The following CCDC60 variants were observed in gnomAD, a reference collection of about 807,000 sequenced individuals.
The protein encoded by CCDC60 is coiled-coil domain containing 60.
Under a neutral mutation model 63.5 loss-of-function variants are expected in CCDC60, and 54 were observed. The ratio of observed to expected loss-of-function variants is 0.85; its 90% CI spans 0.68 to 1.07. The LOEUF (loss-of-function observed/expected upper bound fraction) is 1.07, where lower values mean the gene tolerates loss of function less well. Ranked by LOEUF, CCDC60 falls within the 50% of genes least tolerant of loss-of-function variation. The pLI is 0.00. For synonymous variants in CCDC60, 206 were observed against 238.8 expected, an observed-to-expected ratio of 0.86 and a Z score of 1.27; for missense variants, 651 against 684.3, an observed-to-expected ratio of 0.95 and a Z score of 0.54.
intron 1 of CCDC60, among the ~76,000 whole-genome samples, chr12:119,367,754 A>G (rs1230494408): frequency 1.3e-5 from 2 of 152,222 alleles, no homozygotes; most frequent in Non-Finnish European, 2.9e-5. Context: ...GTTATGCAAA[A>G]TGAAAGAAGC....
At chr12:119,533,623 A>G (rs1056092588) in intron 13 of CCDC60, among the ~76,000 whole-genome samples, 1 of 152,260 alleles carries the variant, frequency 6.6e-6, no homozygotes, top group South Asian at 2.1e-4. Context: ...ATCCAGTTTC[A>G]GCTTTCTACA....
intron 1 of CCDC60, among the ~76,000 whole-genome samples, chr12:119,385,600 CT>C (rs1256944703): frequency 1.3e-5 from 2 of 152,214 alleles, no homozygotes; most frequent in Admixed American, 1.3e-4. Flanking sequence ...CATTAAACCT[CT>C]TTTTTAAAAA....
At chr12:119,531,232 T>A (rs893120149) in intron 13 of CCDC60, among the ~76,000 whole-genome samples, 169 bp downstream of exon 13, 1 of 152,134 alleles carries the variant, frequency 6.6e-6, no homozygotes, top group Admixed American at 6.5e-5. Context: ...CAACTCCAAC[T>A]GCAAGGGACA....
At chr12:119,392,150 C>T (rs1165971731) in intron 1 of CCDC60, among the ~76,000 whole-genome samples, 1 of 152,162 alleles carries the variant, frequency 6.6e-6, no homozygotes, top group African/African-American at 2.4e-5. Context: ...GTAGGAGATG[C>T]TGTGAAACCT....
At chr12:119,365,246 C>G (rs1955829446) in intron 1 of CCDC60, among the ~76,000 whole-genome samples, 1 of 152,042 alleles carries the variant, frequency 6.6e-6, no homozygotes, top group Non-Finnish European at 1.5e-5. Context: ...CCTGGTTAGA[C>G]TGATTGCAAA....
chr12:119,398,653 C>T (rs555715654), intron 1 of CCDC60, among the ~76,000 whole-genome samples: 2 of 152,370 alleles, frequency 1.3e-5, no homozygotes, highest in Admixed American at 1.3e-4. Flanking sequence ...AATCAAATTG[C>T]TCACTTTTCC....
chr12:119,463,886 G>C (rs983199479), intron 2 of CCDC60, among the ~76,000 whole-genome samples: 2 of 152,190 alleles, frequency 1.3e-5, no homozygotes, highest in South Asian at 4.1e-4. Flanking sequence ...TAAAGGAGTC[G>C]AGAGGCAGGT....
chr12:119,420,752 G>A lies in CCDC60; in HGVS notation c.91-7931G>A, dbSNP rs1047643523. Among the ~76,000 whole-genome samples the A allele has an allele frequency of 1.3e-5, 2 of 152,132 alleles. No homozygotes were observed. The highest frequency in any genetic ancestry group is 4.8e-5 in the African/African-American group (2 of 41,410). On this transcript the variant is annotated intron_variant, in intron 1 of 13. Transcript: ENST00000327554. This position sits in a 1 kb window ranked among gnomAD's most constrained non-coding sequence, Gnocchi z 4.1. ...AACTCAAAGGATAAATGCTTGAGGG[G>A]ATAGATGCCCCATTCTCCATGATGT...
intron 1 of CCDC60, among the ~76,000 whole-genome samples, chr12:119,401,309 A>G (rs1207553404): frequency 1.3e-5 from 2 of 152,170 alleles, no homozygotes; most frequent in African/African-American, 4.8e-5. Context: ...CTAATCTCCT[A>G]TCACCAAGAG....
intron 1 of CCDC60, among the ~76,000 whole-genome samples, chr12:119,339,800 C>G (rs1955513415): frequency 6.6e-6 from 1 of 152,138 alleles, no homozygotes; most frequent in South Asian, 2.1e-4. Flanking sequence ...AGAGCGAGAT[C>G]CTGTCTCAAT....
At chr12:119,406,204 T>G (rs7977204) in intron 1 of CCDC60, among the ~76,000 whole-genome samples, 37,245 of 145,050 alleles carry the variant, frequency 0.26, 4,905 homozygotes, top group Middle Eastern at 0.36. Context: ...TATATATATA[T>G]AGAGAGAGAG....
rs1275785225 is a variant in CCDC60 at position 119,340,674 on chromosome 12, A to G, written c.90+5408A>G. On this transcript the variant is annotated intron_variant, in intron 1 of 13. Transcript: ENST00000327554. ...AGAAACATTTTCCCCAACAAGAGAA[A>G]CCTGGACTCCCAGCACAATACGTTT... Among the ~76,000 whole-genome samples, 6 of 152,112 alleles carry G rather than the reference A, an allele frequency of 3.9e-5. No individual in the cohort carries two copies. In the South Asian group the frequency reaches 6.2e-4, roughly 16 times the overall value.
chr12:119,429,699 T>A (rs1956963035), intron 2 of CCDC60: 1 of 152,130 alleles, frequency 6.6e-6, no homozygotes, highest in Non-Finnish European at 1.5e-5. Flanking sequence ...ATGGAACTGA[T>A]GACTGAGCCC....
intron 7 of CCDC60, among the ~76,000 whole-genome samples, chr12:119,513,673 G>C (rs1952274225): frequency 1.3e-5 from 2 of 152,216 alleles, no homozygotes; most frequent in African/African-American, 4.8e-5. Context: ...ATATACGACA[G>C]TGGTCCCATA....
In CCDC60 at chr12:119,354,917, C is replaced by T. The variant is rs573652351; in HGVS notation, c.90+19651C>T. Among the ~76,000 whole-genome samples, 3 of 152,220 alleles carry T rather than the reference C, an allele frequency of 2.0e-5. No individual in the cohort carries two copies. The South Asian group carries it at 6.2e-4, about 32-fold the overall frequency. On this transcript the variant is annotated intron_variant, in intron 1 of 13. Coordinates refer to ENST00000327554, the MANE Select transcript of CCDC60 (RefSeq NM_178499.5). ...GATTCTCCCAGTTCTGAAGATGGGG[C>T]CTCATCATCTAGAGCCACAGAATCA... is the stretch of plus-strand genomic sequence containing the variant.
chr12:119,349,323 T>C (rs976442679), intron 1 of CCDC60, among the ~76,000 whole-genome samples: 1 of 149,874 alleles, frequency 6.7e-6, no homozygotes, highest in Admixed American at 6.7e-5. Flanking sequence ...AAGGCCAAGG[T>C]CCAGGGCGTG....
chr12:119,350,170 ATTATTTATTTATTTATTTATTTAT>A (rs10534165), intron 1 of CCDC60, among the ~76,000 whole-genome samples: 8 of 144,734 alleles, frequency 5.5e-5, no homozygotes, highest in Non-Finnish European at 7.5e-5. Flanking sequence ...TCTTTGCTTT[ATTATTTATTTATTTATTTATTTAT>A]TTATTTATTT....
chr12:119,465,771 T>A (rs1344690723), intron 2 of CCDC60, among the ~76,000 whole-genome samples: 1 of 131,790 alleles, frequency 7.6e-6, no homozygotes, highest in Non-Finnish European at 1.6e-5. Flanking sequence ...AAAAAAAAAA[T>A]GTATAAAACA....
rs138692820 is a variant in CCDC60, at chr12:119,472,055, G to A, written c.232G>A (p.Ala78Thr). Residue 78 changes from alanine (A) to threonine (T), a missense_variant, in exon 3 of 14, where the codon GCA (alanine) becomes ACA (threonine). Ala to Thr is a moderately conservative substitution (Grantham distance 58). Transcript: ENST00000327554. ...TTTTGCTATTCTGAGGGAAGAGACT[G>A]CAAAGAAAAAGAAGCAACAACAACT... The part of the protein sequence containing the change: ...GYFAILREET[A>T]KKKKQQQLQK... 8.2e-5 allele frequency: 133 copies of A among 1,614,100 alleles called. No individual in the cohort carries two copies. In the African/African-American group the frequency reaches 1.6e-3, roughly 20 times the overall value.
Sources: allele counts gnomAD v4.1 joint callset (sites outside exome capture counted in the v4.1 genomes callset), GRCh38; gene constraint gnomAD v4.1.1; non-coding constraint Gnocchi (gnomAD v3.1); transcripts MANE v1.5; gene names NCBI Gene and HGNC (gene_info 2026-07-23, HGNC 2026-07-21).